The following TFCP2L1 variants were observed in gnomAD, a reference collection of about 807,000 sequenced individuals.
TFCP2L1 encodes the protein transcription factor CP2-like protein 1.
In TFCP2L1, 12 loss-of-function variants were observed where a neutral mutation model predicts 72.2. The observed-to-expected ratio is 0.17, with a 90% CI of 0.11 to 0.27. TFCP2L1 has a LOEUF of 0.27. Among genes scored for constraint, TFCP2L1 ranks in the 10% least tolerant of loss-of-function variants. The pLI, the probability that TFCP2L1 is intolerant of heterozygous loss-of-function variation, is 1.00. For missense variants in TFCP2L1, 488 were observed against 624.6 expected (o/e 0.78, Z 2.33); for synonymous variants, 260 against 251.0 (o/e 1.04, Z -0.34).
chr2:121,250,345 G>GTTTT (rs200032869), intron 2 of TFCP2L1, among the ~76,000 whole-genome samples: 2 of 125,854 alleles, frequency 1.6e-5, no homozygotes, highest in Admixed American at 8.1e-5. Context: ...CCAGAAGACT[G>GTTTT]TTATATATAT....
chr2:121,266,305 C>T (rs1440537137), intron 2 of TFCP2L1, among the ~76,000 whole-genome samples: 2 of 151,956 alleles, frequency 1.3e-5, no homozygotes, highest in East Asian at 1.9e-4. Flanking sequence ...CAAATATCCA[C>T]AAAAAATTGC....
At chr2:121,275,152 A>T (rs898159385) in intron 2 of TFCP2L1, among the ~76,000 whole-genome samples, 1 of 152,120 alleles carries the variant, frequency 6.6e-6, no homozygotes, top group Admixed American at 6.6e-5. Context: ...TGGGAGGCCA[A>T]GGCAGGTGGA....
chr2:121,249,725 A>C, intron 2 of TFCP2L1, 78 bp from the exon 3 acceptor site: 127 of 1,458,840 alleles, frequency 8.7e-5, no homozygotes, highest in Non-Finnish European at 1.1e-4. Flanking sequence ...CAGCCTTCTC[A>C]ACACCCTCAG....
intron 8 of TFCP2L1, among the ~76,000 whole-genome samples, chr2:121,238,793 G>T (rs1407321604): frequency 6.6e-6 from 1 of 152,054 alleles, no homozygotes; most frequent in Non-Finnish European, 1.5e-5. Context: ...ATCTAAACAT[G>T]ACACCATTTC....
At chr2:121,258,973 C>T (rs1256610610) in intron 2 of TFCP2L1, among the ~76,000 whole-genome samples, 2 of 151,958 alleles carry the variant, frequency 1.3e-5, no homozygotes, top group African/African-American at 2.4e-5. Flanking sequence ...TCTGCTCGGG[C>T]GCGGTGGCTC....
At chr2:121,232,483 T>C (rs973318783) in intron 12 of TFCP2L1, among the ~76,000 whole-genome samples, 1 of 152,066 alleles carries the variant, frequency 6.6e-6, no homozygotes, top group African/African-American at 2.4e-5. Flanking sequence ...GGGGTGCTTA[T>C]GTGAAATGCA....
chr2:121,285,043 C>T lies in TFCP2L1; in HGVS notation c.62+5G>A. Reference sequence around the variant, plus strand: ...AGACCCGCGGGGACCGCGCGCGGCCCTTACCGCAGGTAGCTGCCGGAGTTG... The same window carrying T: ...AGACCCGCGGGGACCGCGCGCGGCCTTTACCGCAGGTAGCTGCCGGAGTTG... On this transcript the variant is annotated splice_donor_5th_base_variant and intron_variant, in intron 1 of 14. Coordinates refer to ENST00000263707, the MANE Select transcript of TFCP2L1 (RefSeq NM_014553.3). The T allele has an allele frequency of 6.7e-7, 1 of 1,501,384 alleles. No homozygotes were observed. Among genetic ancestry groups the T allele is most frequent in the Non-Finnish European group, 8.9e-7 (1 of 1,125,780 alleles). The allele number at this position is 1,501,384 out of a possible 1,614,324, so 93.0% of individuals were successfully genotyped here.
Position 121,237,807 on chromosome 2 carries a change from T to A in TFCP2L1, c.904A>T (p.Ser302Cys), listed in dbSNP as rs1188968866. ...AGCCCTGCTCAGACACTTACGTCACTGCCCACGGGCAGGGCCTCCACCGGG... is the reference window on the plus strand; with the variant it reads ...AGCCCTGCTCAGACACTTACGTCACAGCCCACGGGCAGGGCCTCCACCGGG... Reference protein sequence around the residue: ...THPVEALPVGSDHLLPSASIQ... With the variant: ...THPVEALPVGCDHLLPSASIQ... The change falls in exon 9 of 15, where the codon AGT (serine) becomes TGT (cysteine). Residue 302 changes from serine (S) to cysteine (C), a missense_variant. Physicochemically the swap from Ser to Cys is moderately radical, Grantham distance 112. This residue lies in a region of TFCP2L1 where 286 missense variants were observed against 329.0 expected (regional missense o/e 0.87). Coordinates refer to ENST00000263707, the MANE Select transcript of TFCP2L1 (RefSeq NM_014553.3). The A allele has an allele frequency of 1.2e-6, 2 of 1,613,984 alleles. No individual in the cohort carries two copies. Among genetic ancestry groups the A allele is most frequent in the African/African-American group, 1.3e-5 (1 of 74,924 alleles).
rs752886667 is a variant in TFCP2L1 at position 121,231,988 on chromosome 2, G to A, written c.1199-20C>T. 1 of 1,559,264 alleles carries A rather than the reference G, an allele frequency of 6.4e-7. No homozygotes were observed. Among genetic ancestry groups the A allele is most frequent in the South Asian group, 1.2e-5 (1 of 83,438 alleles). On this transcript the variant is annotated intron_variant, in intron 12 of 14. Transcript: ENST00000263707. ...GGTACACTGGGGGAAGGAGGAGCAA[G>A]TGCTGCTTTCCAAGTGGCCATTCTG...
At chr2:121,284,686 T>C (rs1175661200) in intron 1 of TFCP2L1, among the ~76,000 whole-genome samples, 1 of 152,178 alleles carries the variant, frequency 6.6e-6, no homozygotes, top group Non-Finnish European at 1.5e-5. Flanking sequence ...GGCAGGAAGT[T>C]TCCTCTGCTT....
chr2:121,273,885 G>C (rs1254736047), intron 2 of TFCP2L1, among the ~76,000 whole-genome samples: 1 of 152,110 alleles, frequency 6.6e-6, no homozygotes, highest in African/African-American at 2.4e-5. Flanking sequence ...CTGAGGTCAG[G>C]AGCTCAAGAC....
rs912544690 is a variant in TFCP2L1 at position 121,269,611 on chromosome 2, A to T, written c.214+11509T>A. 3.4e-4 allele frequency among the ~76,000 whole-genome samples: 51 copies of T among 152,048 alleles called. 1 individual carries two copies. The Middle Eastern group carries it at 0.01, about 30-fold the overall frequency. ...CTTTCTCTATAAATTAAAAACAAAC[A>T]GCAAAAATTATGTAAAAGAGGCCGG... On this transcript the variant is annotated intron_variant, in intron 2 of 14. Coordinates refer to ENST00000263707, the MANE Select transcript of TFCP2L1 (RefSeq NM_014553.3).
chr2:121,280,520 G>A (rs529563559), intron 2 of TFCP2L1, among the ~76,000 whole-genome samples: 11 of 152,292 alleles, frequency 7.2e-5, no homozygotes, highest in Admixed American at 5.2e-4. Flanking sequence ...CACTTTGGGA[G>A]GCGCAGGCAG....
rs1686327266 is a variant in TFCP2L1 at position 121,239,770 on chromosome 2, C to T, written c.769-121G>A. 5.1e-6 allele frequency: 5 copies of T among 977,160 alleles called. No individual in the cohort carries two copies. In the East Asian group the frequency reaches 1.3e-4, roughly 26 times the overall value. 60.5% of individuals were successfully genotyped at this position (977,160 alleles called of 1,614,324 possible). Reference sequence around the variant, plus strand: ...TGAGACCCCCACCTGTGAAACGCAGCCTGCGTTTACCCAGTGCCCACAGTG... The same window carrying T: ...TGAGACCCCCACCTGTGAAACGCAGTCTGCGTTTACCCAGTGCCCACAGTG... On this transcript the variant is annotated intron_variant, in intron 7 of 14. Coordinates refer to ENST00000263707, the MANE Select transcript of TFCP2L1 (RefSeq NM_014553.3).
chr2:121,240,341 C>A, intron 7 of TFCP2L1: 2 of 985,414 alleles, frequency 2.0e-6, no homozygotes, highest in Non-Finnish European at 2.4e-6. Context: ...CAGGTTTTGT[C>A]TGCTGGAGAA....
At chr2:121,233,138 T>C (rs1686178399) in intron 12 of TFCP2L1, among the ~76,000 whole-genome samples, 1 of 152,118 alleles carries the variant, frequency 6.6e-6, no homozygotes, top group Non-Finnish European at 1.5e-5. Context: ...GGCAACAGAA[T>C]GAGACTCCAT....
At chr2:121,269,403 G>A (rs940076272) in intron 2 of TFCP2L1, among the ~76,000 whole-genome samples, 2 of 151,938 alleles carry the variant, frequency 1.3e-5, no homozygotes, top group East Asian at 1.9e-4. Context: ...AGCTGTAATC[G>A]CACCACTGCA....
intron 14 of TFCP2L1, among the ~76,000 whole-genome samples, chr2:121,224,709 G>A (rs1472626891): frequency 3.9e-5 from 6 of 152,198 alleles, no homozygotes; most frequent in Non-Finnish European, 8.8e-5. Flanking sequence ...GTGGCTGGGC[G>A]TGGTGGCTCA....
chr2:121,239,427 G>GT, intron 8 of TFCP2L1, 131 bp downstream of exon 8: 1 of 964,422 alleles, frequency 1.0e-6, no homozygotes, highest in Non-Finnish European at 1.6e-6. Flanking sequence ...GAAGACAGTT[G>GT]TGACTGCAAC....
Sources: allele counts gnomAD v4.1 joint callset (sites outside exome capture counted in the v4.1 genomes callset), GRCh38; gene constraint gnomAD v4.1.1; regional missense constraint gnomAD v4.1.1; transcripts MANE v1.5; gene names NCBI Gene and HGNC (gene_info 2026-07-23, HGNC 2026-07-21).